CACNA1E: variants seen among roughly 807,000 people sequenced by gnomAD.
CACNA1E encodes voltage-dependent R-type calcium channel subunit alpha-1E.
In CACNA1E, 40 loss-of-function variants were observed where a neutral mutation model predicts 259.2. The ratio of observed to expected loss-of-function variants is 0.15; its 90% CI spans 0.12 to 0.20. CACNA1E has a LOEUF of 0.20. Among genes scored for constraint, CACNA1E ranks in the 10% least tolerant of loss-of-function variants. CACNA1E has a pLI of 1.00. For missense variants in CACNA1E, 1,874 were observed against 3,040.1 expected, an observed-to-expected ratio of 0.62 and a Z score of 9.02; for synonymous variants, 1,104 against 1,138.5, an observed-to-expected ratio of 0.97 and a Z score of 0.61.
intron 1 of CACNA1E, among the ~76,000 whole-genome samples, chr1:181,345,455 G>T (rs912322595): frequency 6.6e-6 from 1 of 152,206 alleles, no homozygotes; most frequent in Non-Finnish European, 1.5e-5. Flanking sequence ...GGGCCAGGGG[G>T]CTGCGCCTGG....
intron 18 of CACNA1E, 53 bp from the exon 19 acceptor site, chr1:181,731,122 T>G (rs770392271): frequency 2.8e-6 from 4 of 1,445,164 alleles, no homozygotes; most frequent in Non-Finnish European, 2.9e-6. Flanking sequence ...GCTGTGGGGC[T>G]TGAGGTTCCT....
intron 12 of CACNA1E, among the ~76,000 whole-genome samples, chr1:181,719,162 C>T (rs1046371414): frequency 6.6e-6 from 1 of 152,152 alleles, no homozygotes; most frequent in Non-Finnish European, 1.5e-5. Context: ...GTTGTTTCTC[C>T]TAGCACAATA....
At chr1:181,450,556 A>G (rs1310244454) in intron 2 of CACNA1E, among the ~76,000 whole-genome samples, 1 of 152,134 alleles carries the variant, frequency 6.6e-6, no homozygotes, top group Non-Finnish European at 1.5e-5. Flanking sequence ...TAATTTGGCA[A>G]TTGAGAGAAT....
chr1:181,626,726 T>C (rs1046241437), intron 6 of CACNA1E, among the ~76,000 whole-genome samples: 1 of 152,244 alleles, frequency 6.6e-6, no homozygotes, highest in Admixed American at 6.5e-5. Context: ...TAAAGCTCTA[T>C]GAATTTATGA....
intron 7 of CACNA1E, among the ~76,000 whole-genome samples, chr1:181,706,579 A>G (rs948177016): frequency 2.0e-5 from 3 of 152,258 alleles, no homozygotes; most frequent in African/African-American, 7.2e-5. Flanking sequence ...ACACAGAGCA[A>G]TGGATTTTTA....
Position 181,596,411 on chromosome 1 carries a change from C to T in CACNA1E, c.951+15635C>T, listed in dbSNP as rs940638493. The stretch of plus-strand genomic sequence containing the variant: ...TTTGCCTGCTTGTCACGGTCACGTG[C>T]CCCCTCCACCTGCGTCGGACTTGTG... On this transcript the variant is annotated intron_variant, in intron 6 of 47. Coordinates refer to ENST00000367573, the MANE Select transcript of CACNA1E (RefSeq NM_001205293.3). Among the ~76,000 whole-genome samples, 4 of 152,204 alleles carry T rather than the reference C, an allele frequency of 2.6e-5. No individual in the cohort carries two copies. The East Asian group carries it at 7.7e-4, about 29-fold the overall frequency.
rs537385624 is a variant in CACNA1E, at chr1:181,329,279, A to T, written c.-15+11156A>T. On this transcript the variant is annotated intron_variant, in intron 1 of 11. Coordinates refer to the CACNA1E transcript ENST00000524607. ...ATCTTCATCTCTCCCTTGGACAACC[A>T]CAACAGCCTCCTAACCAATCTCTCC... 2.6e-5 allele frequency among the ~76,000 whole-genome samples: 4 copies of T among 152,154 alleles called. No homozygotes were observed. In the South Asian group the frequency reaches 8.3e-4, roughly 32 times the overall value.
In CACNA1E at chr1:181,746,102, G is replaced by A. The variant is rs188897119; in HGVS notation, c.3720-4374G>A. On this transcript the variant is annotated intron_variant, in intron 25 of 47. Coordinates refer to ENST00000367573, the MANE Select transcript of CACNA1E (RefSeq NM_001205293.3). ...GAATAACAATGGATTGAGGGTTCGAGGGTGACCCCAAGAAATGCTGAGGCA... is the reference window on the plus strand; with the variant it reads ...GAATAACAATGGATTGAGGGTTCGAAGGTGACCCCAAGAAATGCTGAGGCA... Among the ~76,000 whole-genome samples the A allele has an allele frequency of 1.5e-3, 225 of 152,306 alleles. 5 individuals are homozygous for A. The highest frequency in any genetic ancestry group is 6.5e-3 in the Admixed American group (99 of 15,300).
At chr1:181,751,576 G>A (rs1250863885) in intron 26 of CACNA1E, among the ~76,000 whole-genome samples, 1 of 152,184 alleles carries the variant, frequency 6.6e-6, no homozygotes, top group Non-Finnish European at 1.5e-5. Flanking sequence ...GCCTCACCTT[G>A]CTGTCTCCTG....
chr1:181,784,032 A>G (rs1288539305), intron 40 of CACNA1E, among the ~76,000 whole-genome samples: 1 of 152,170 alleles, frequency 6.6e-6, no homozygotes, highest in Non-Finnish European at 1.5e-5. Context: ...CTGGCTCACA[A>G]TAGGTATTCT....
upstream of CACNA1E, among the ~76,000 whole-genome samples, chr1:181,481,323 A>C (rs982978018): frequency 1.3e-5 from 2 of 148,920 alleles, no homozygotes; most frequent in Non-Finnish European, 3.0e-5. Flanking sequence ...GATTTCCAGT[A>C]GAGAATTTTC....
At chr1:181,516,979 C>T (rs913947155) in intron 3 of CACNA1E, among the ~76,000 whole-genome samples, 1 of 152,064 alleles carries the variant, frequency 6.6e-6, no homozygotes, top group Non-Finnish European at 1.5e-5. Context: ...AAGGTCATCA[C>T]CCCAGGGCCT....
Position 181,736,345 on chromosome 1 carries a change from G to C in CACNA1E, c.3333G>C (p.Val1111=). The change falls in exon 22 of 48, where the codon GTG becomes GTC. Residue 1111 remains valine (V), a synonymous_variant. Transcript: ENST00000367573. Reference sequence around the variant, plus strand: ...AGATCAGAGAGGATGAGGAGGAGGTGGAGAAGAAGAAGCAGAAGAAGGAGA... The same window carrying C: ...AGATCAGAGAGGATGAGGAGGAGGTCGAGAAGAAGAAGCAGAAGAAGGAGA... ...EAEIREDEEE[V]EKKKQKKEKR... The C allele has an allele frequency of 6.2e-7, 1 of 1,609,236 alleles. No individual in the cohort carries two copies. The highest frequency in any genetic ancestry group is 1.1e-5 in the South Asian group (1 of 89,858).
Position 181,799,100 on chromosome 1 carries a change from C to T in CACNA1E, c.*266C>T, listed in dbSNP as rs116615019. 6.9e-5 allele frequency: 24 copies of T among 346,002 alleles called. No individual in the cohort carries two copies. The highest frequency in any genetic ancestry group is 2.2e-4 in the Admixed American group (5 of 22,512). 21.4% of individuals were successfully genotyped at this position (346,002 alleles called of 1,614,324 possible). ...CCAGGAACGTGGAGGGTTATTACTG[C>T]GGGAGAAGGGACACGAGGATGGCTT... On this transcript the variant is annotated 3_prime_UTR_variant, in exon 48 of 48. Coordinates refer to ENST00000367573, the MANE Select transcript of CACNA1E (RefSeq NM_001205293.3).
intron 1 of CACNA1E, among the ~76,000 whole-genome samples, chr1:181,343,127 G>C (rs1478782291): frequency 1.3e-5 from 2 of 151,994 alleles, no homozygotes; most frequent in Non-Finnish European, 2.9e-5. Context: ...CCTGGAACTT[G>C]GCTTGAGCAA....
At chr1:181,632,523 G>A (rs548006089) in intron 6 of CACNA1E, among the ~76,000 whole-genome samples, 2 of 152,218 alleles carry the variant, frequency 1.3e-5, no homozygotes, top group African/African-American at 4.8e-5. Context: ...TTACAGATGT[G>A]GGCTTTGTTA....
At chr1:181,724,020 G>A (rs754545504) in intron 16 of CACNA1E, among the ~76,000 whole-genome samples, 21 of 152,184 alleles carry the variant, frequency 1.4e-4, no homozygotes, top group Non-Finnish European at 2.8e-4. Context: ...TGTGGGGGTA[G>A]GGCTGAAAGT....
At chr1:181,573,337 A>G (rs1217257389) in intron 3 of CACNA1E, among the ~76,000 whole-genome samples, 1 of 152,198 alleles carries the variant, frequency 6.6e-6, no homozygotes, top group African/African-American at 2.4e-5. Flanking sequence ...TACTTCCACT[A>G]GACTGAGAAT....
chr1:181,362,272 G>A (rs1319099040), intron 1 of CACNA1E, among the ~76,000 whole-genome samples: 2 of 152,216 alleles, frequency 1.3e-5, no homozygotes, highest in Non-Finnish European at 2.9e-5. Flanking sequence ...TCTCCCTGGA[G>A]GCCCAAAGTC....
Sources: gnomAD v4.1 joint callset for allele counts (sites outside exome capture counted in the v4.1 genomes callset) on GRCh38, gnomAD v4.1.1 for gene constraint, MANE v1.5 for transcripts, NCBI Gene and HGNC (gene_info 2026-07-23, HGNC 2026-07-21) for gene names.